Variants in FAR1 observed in about 807,000 individuals in gnomAD.
The protein encoded by FAR1 is fatty acyl-CoA reductase 1.
Under a neutral mutation model 61.1 loss-of-function variants are expected in FAR1, and 22 were observed. The observed-to-expected ratio is 0.36, with a 90% CI of 0.26 to 0.51. FAR1 has a LOEUF of 0.51. FAR1 is among the 20% of genes least tolerant of loss of function. FAR1 has a pLI of 0.95. For missense variants in FAR1, 359 were observed against 626.9 expected, an observed-to-expected ratio of 0.57 and a Z score of 4.56; for synonymous variants, 206 against 209.7, an observed-to-expected ratio of 0.98 and a Z score of 0.15.
chr11:13,694,209 G>A (rs899047879), intron 1 of FAR1, among the ~76,000 whole-genome samples: 1 of 152,050 alleles, frequency 6.6e-6, no homozygotes, highest in Admixed American at 6.6e-5. Flanking sequence ...TTTTTAAAAG[G>A]GGAGATTTAA....
At chr11:13,709,672 A>G (rs1380892749) in intron 4 of FAR1, among the ~76,000 whole-genome samples, 2 of 151,882 alleles carry the variant, frequency 1.3e-5, no homozygotes, top group East Asian at 3.9e-4. Context: ...TCTCATCTCC[A>G]TGGTGGAATT....
rs547573109 is a variant in FAR1 at position 13,673,394 on chromosome 11, A to T, written c.-8+4588A>T. On this transcript the variant is annotated intron_variant, in intron 1 of 11. Transcript: ENST00000354817. ...TTCTCATATAATTCTCTAAAATGTG[A>T]ATACCATATTACAGATGAGGAGAGT... is the stretch of plus-strand genomic sequence containing the variant. Among the ~76,000 whole-genome samples, 15 of 152,370 alleles carry T rather than the reference A, an allele frequency of 9.8e-5. No individual in the cohort carries two copies. The East Asian group carries it at 2.9e-3, about 29-fold the overall frequency.
intron 9 of FAR1, among the ~76,000 whole-genome samples, chr11:13,717,674 G>A (rs185512243): frequency 1.2e-3 from 182 of 152,242 alleles, no homozygotes; most frequent in African/African-American, 4.3e-3. Flanking sequence ...TGTAAATTAA[G>A]GCCATATAGT....
intron 1 of FAR1, among the ~76,000 whole-genome samples, chr11:13,682,867 C>G (rs1848143595): frequency 1.3e-5 from 2 of 152,122 alleles, no homozygotes; most frequent in Non-Finnish European, 2.9e-5. Flanking sequence ...CCACCTTGGC[C>G]TCTCACAGTG....
At chr11:13,686,879 G>A (rs1848192607) in intron 1 of FAR1, among the ~76,000 whole-genome samples, 1 of 152,098 alleles carries the variant, frequency 6.6e-6, no homozygotes, top group African/African-American at 2.4e-5. Context: ...ATATTGAGTG[G>A]GGTGTTACCT....
At chr11:13,719,795 G>A (rs939575408) in intron 9 of FAR1, 3 of 152,112 alleles carry the variant, frequency 2.0e-5, no homozygotes, top group Non-Finnish European at 4.4e-5. Context: ...CCCTCCACAC[G>A]AAAGAATGAT....
chr11:13,697,663 T>G (rs1483558045), intron 2 of FAR1, among the ~76,000 whole-genome samples: 2 of 152,180 alleles, frequency 1.3e-5, no homozygotes, highest in African/African-American at 4.8e-5. Flanking sequence ...CTAGCAAGTT[T>G]AAGAGCAGCA....
intron 11 of FAR1, 124 bp from the exon 12 acceptor site, chr11:13,728,488 A>G: frequency 1.2e-6 from 1 of 848,174 alleles, no homozygotes; most frequent in Non-Finnish European, 1.9e-6. Context: ...CTTAATGCCT[A>G]TCATAAGTTT....
chr11:13,682,284 T>C (rs2134171121), intron 1 of FAR1, among the ~76,000 whole-genome samples: 1 of 152,366 alleles, frequency 6.6e-6, no homozygotes, highest in East Asian at 1.9e-4. Flanking sequence ...ACTGTACTGC[T>C]TTCCCATTGA....
At position 13,701,218 on chromosome 11, in the gene FAR1, T is replaced by C. The variant is rs182312170; in HGVS notation, c.365+726T>C. On this transcript the variant is annotated intron_variant, in intron 3 of 11. Transcript: ENST00000354817. The stretch of plus-strand genomic sequence containing the variant: ...GTAGACTTGGTATAGGTTTCAAAGC[T>C]ACTTGAAATGTAAAATGTTGTCTTT... Among the ~76,000 whole-genome samples the C allele has an allele frequency of 1.4e-3, 219 of 152,150 alleles. 1 individual carries two copies. The highest frequency in any genetic ancestry group is 5.1e-3 in the African/African-American group (211 of 41,516).
At chr11:13,689,332 C>T (rs1306988421) in intron 1 of FAR1, among the ~76,000 whole-genome samples, 1 of 152,138 alleles carries the variant, frequency 6.6e-6, no homozygotes, top group Non-Finnish European at 1.5e-5. Context: ...CCCTCTTCTT[C>T]CCTGCAAGAC....
At chr11:13,716,283 G>A (rs539662454) in intron 9 of FAR1, among the ~76,000 whole-genome samples, 2 of 152,030 alleles carry the variant, frequency 1.3e-5, no homozygotes, top group Admixed American at 1.3e-4. Flanking sequence ...AAAAAAATAA[G>A]TGAATAGCTG....
intron 4 of FAR1, among the ~76,000 whole-genome samples, chr11:13,709,665 C>A (rs1425881784): frequency 6.6e-6 from 1 of 151,986 alleles, no homozygotes; most frequent in Non-Finnish European, 1.5e-5. Context: ...TTTCAAATCT[C>A]ATCTCCATGG....
At chr11:13,694,318 C>T (rs537403608) in intron 1 of FAR1, among the ~76,000 whole-genome samples, 1 of 152,132 alleles carries the variant, frequency 6.6e-6, no homozygotes, top group Non-Finnish European at 1.5e-5. Flanking sequence ...AATATGACAC[C>T]TCCAGTGTTA....
chr11:13,728,792 T>G lies in FAR1; in HGVS notation c.*18T>G. ...GATACTGAAGACCAAGGATTCAGCA[T>G]TAGAACATCTATACATATGGTGATC... On this transcript the variant is annotated 3_prime_UTR_variant, in exon 12 of 12. Transcript: ENST00000354817. The G allele has an allele frequency of 6.2e-7, 1 of 1,606,130 alleles. No individual in the cohort carries two copies. The highest frequency in any genetic ancestry group is 8.5e-7 in the Non-Finnish European group (1 of 1,174,560).
chr11:13,727,552 G>A lies in FAR1; in HGVS notation c.1258-4G>A, dbSNP rs368084691. The A allele has an allele frequency of 2.6e-5, 42 of 1,588,272 alleles. No homozygotes were observed. The highest frequency in any genetic ancestry group is 5.5e-5 in the African/African-American group (4 of 73,244). ...AATAATCAGTAATTTTTTTGTTAAC[G>A]TAGACCTTCAATATTGATGTACGGC... On this transcript the variant is annotated splice_polypyrimidine_tract_variant and splice_region_variant and intron_variant, in intron 10 of 11. Coordinates refer to ENST00000354817, the MANE Select transcript of FAR1 (RefSeq NM_032228.6).
At chr11:13,677,657 G>T (rs1180272072) in intron 1 of FAR1, among the ~76,000 whole-genome samples, 3 of 152,186 alleles carry the variant, frequency 2.0e-5, no homozygotes, top group African/African-American at 7.2e-5. Context: ...GTACATTAGC[G>T]ACATCATAGC....
At chr11:13,708,448 C>T (rs1449888048) in intron 4 of FAR1, among the ~76,000 whole-genome samples, 2 of 30,768 alleles carry the variant, frequency 6.5e-5, no homozygotes, top group Non-Finnish European at 1.5e-4. Flanking sequence ...CGCGCGCGCG[C>T]ACACACACAC....
At chr11:13,706,288 A>G (rs1244966048) in intron 3 of FAR1, among the ~76,000 whole-genome samples, 1 of 151,974 alleles carries the variant, frequency 6.6e-6, no homozygotes, top group Admixed American at 6.6e-5. Flanking sequence ...GTTTCTTTTT[A>G]TTTGGAAAAT....
Sources: gnomAD v4.1 joint callset for allele counts (sites outside exome capture counted in the v4.1 genomes callset) on GRCh38, gnomAD v4.1.1 for gene constraint, MANE v1.5 for transcripts, NCBI Gene and HGNC (gene_info 2026-07-23, HGNC 2026-07-21) for gene names.